BANK1: variants seen among roughly 807,000 people sequenced by gnomAD.
The protein encoded by BANK1 is B-cell scaffold protein with ankyrin repeats.
In BANK1, 95 loss-of-function variants were observed where a neutral mutation model predicts 94.5. That is an observed-to-expected ratio of 1.00 (90% CI 0.85 to 1.19). BANK1 has a LOEUF of 1.19. Ranked by LOEUF, BANK1 falls within the 50% of genes most tolerant of loss-of-function variation. The pLI is 0.00. For missense variants in BANK1, 987 were observed against 932.2 expected, an observed-to-expected ratio of 1.06 and a Z score of -0.77; for synonymous variants, 334 against 308.4, an observed-to-expected ratio of 1.08 and a Z score of -0.87.
Position 101,898,567 on chromosome 4 carries a change from G to A in BANK1, c.1009+3157G>A, listed in dbSNP as rs530559771. On this transcript the variant is annotated intron_variant, in intron 6 of 16. Transcript: ENST00000322953. The stretch of plus-strand genomic sequence containing the variant: ...TCTCTCTCAGAGAACATAATCATAA[G>A]GAATTGAAAAAGTATACATTAAGAT... 1.9e-4 allele frequency among the ~76,000 whole-genome samples: 29 copies of A among 152,076 alleles called. No homozygotes were observed. The South Asian group carries it at 5.8e-3, about 30-fold the overall frequency.
intron 2 of BANK1, among the ~76,000 whole-genome samples, chr4:101,832,988 T>C (rs937052421): frequency 1.3e-5 from 2 of 151,070 alleles, no homozygotes; most frequent in Non-Finnish European, 3.0e-5. Context: ...GTTTCTTTCT[T>C]TTTTTTTTGA....
At chr4:101,954,102 G>T (rs1724260116) in intron 7 of BANK1, among the ~76,000 whole-genome samples, 1 of 152,070 alleles carries the variant, frequency 6.6e-6, no homozygotes, top group African/African-American at 2.4e-5. Flanking sequence ...AATTCCAGCT[G>T]CATTGCCTCG....
At chr4:101,915,112 T>C (rs1266591593) in intron 6 of BANK1, among the ~76,000 whole-genome samples, 2 of 152,054 alleles carry the variant, frequency 1.3e-5, no homozygotes, top group Non-Finnish European at 2.9e-5. Flanking sequence ...CAAACAGAAT[T>C]CCCAAATAAT....
At chr4:102,005,166 T>C (rs569577548) in intron 7 of BANK1, among the ~76,000 whole-genome samples, 1 of 152,216 alleles carries the variant, frequency 6.6e-6, no homozygotes, top group East Asian at 1.9e-4. Flanking sequence ...AGAAAACTTC[T>C]CTGTTCTTAA....
chr4:102,063,647 C>T (rs1045061167), intron 13 of BANK1, among the ~76,000 whole-genome samples: 11 of 151,464 alleles, frequency 7.3e-5, no homozygotes, highest in African/African-American at 2.7e-4. Flanking sequence ...AATGGTGAAA[C>T]CCCATCTCTA....
At chr4:102,072,476 T>G (rs1728792233) in intron 15 of BANK1, 76 bp downstream of exon 15, 9 of 1,131,170 alleles carry the variant, frequency 8.0e-6, no homozygotes, top group Non-Finnish European at 1.2e-5. Flanking sequence ...GAGCCTTCTA[T>G]CCTGTCTATG....
At chr4:101,860,989 A>T (rs1315238532) in intron 3 of BANK1, among the ~76,000 whole-genome samples, 1 of 152,164 alleles carries the variant, frequency 6.6e-6, no homozygotes, top group Non-Finnish European at 1.5e-5. Flanking sequence ...AAACAAAAGG[A>T]ACAAAAGAAC....
Position 101,790,867 on chromosome 4 carries a change from C to T in BANK1, c.-14C>T. ...GGGCAGCAGTGCGCAGGCCCCTCGG[C>T]TTCAACCGCCACAATGCTGCCAGCA... is the stretch of plus-strand genomic sequence containing the variant. On this transcript the variant is annotated 5_prime_UTR_variant, in exon 1 of 17. Transcript: ENST00000322953. The T allele has an allele frequency of 6.5e-7, 1 of 1,536,906 alleles. No individual in the cohort carries two copies. The highest frequency in any genetic ancestry group is 1.2e-5 in the South Asian group (1 of 84,042).
chr4:102,044,255 C>A (rs1727800950), intron 11 of BANK1, among the ~76,000 whole-genome samples: 1 of 152,084 alleles, frequency 6.6e-6, no homozygotes, highest in African/African-American at 2.4e-5. Context: ...TTGTTCAATT[C>A]CCACCTATGA....
At chr4:101,899,533 T>G (rs1457709665) in intron 6 of BANK1, among the ~76,000 whole-genome samples, 3 of 152,116 alleles carry the variant, frequency 2.0e-5, no homozygotes, top group Non-Finnish European at 4.4e-5. Flanking sequence ...TCTTCCAAAT[T>G]TTTTTTACCT....
rs114519253 is a variant in BANK1 at position 102,035,184 on chromosome 4, C to T, written c.1900+4919C>T. ...ATCCTGCTTTAAACCATCTTATGTC[C>T]AAAACACTACCAATTTGAAGGGAAG... is the stretch of plus-strand genomic sequence containing the variant. On this transcript the variant is annotated intron_variant, in intron 10 of 16. Transcript: ENST00000322953. Among the ~76,000 whole-genome samples the T allele has an allele frequency of 4.1e-3, 631 of 152,218 alleles. 8 individuals carry two copies. Among genetic ancestry groups the T allele is most frequent in the African/African-American group, 0.015 (618 of 41,538 alleles).
chr4:101,933,312 G>GA (rs35218054), intron 7 of BANK1, among the ~76,000 whole-genome samples: 49,785 of 105,558 alleles, frequency 0.47, 10,151 homozygotes, highest in Admixed American at 0.54. Context: ...TAAGAAAGGA[G>GA]AAAAAAAAAA....
intron 2 of BANK1, among the ~76,000 whole-genome samples, chr4:101,837,320 G>A (rs1222847448): frequency 3.9e-5 from 6 of 151,964 alleles, no homozygotes; most frequent in Admixed American, 3.9e-4. Flanking sequence ...TAAGATTCAG[G>A]GATTGAATAC....
intron 7 of BANK1, among the ~76,000 whole-genome samples, chr4:102,006,104 A>G (rs1371275031): frequency 3.3e-5 from 5 of 152,060 alleles, no homozygotes; most frequent in African/African-American, 1.2e-4. Context: ...ATTGTATAAT[A>G]CTAATGATAT....
chr4:101,874,762 TC>T (rs1424747629), intron 5 of BANK1, among the ~76,000 whole-genome samples: 1 of 152,212 alleles, frequency 6.6e-6, no homozygotes, highest in Non-Finnish European at 1.5e-5. Flanking sequence ...TATGCTCTTT[TC>T]TTCAGGCCTC....
At chr4:101,826,031 C>T (rs1279031764) in intron 1 of BANK1, among the ~76,000 whole-genome samples, 1 of 151,990 alleles carries the variant, frequency 6.6e-6, no homozygotes, top group Non-Finnish European at 1.5e-5. Context: ...CTACTCATAG[C>T]TTATTCTACA....
chr4:101,889,032 T>C (rs1476959821), intron 5 of BANK1, among the ~76,000 whole-genome samples: 1 of 152,242 alleles, frequency 6.6e-6, no homozygotes, highest in Non-Finnish European at 1.5e-5. Flanking sequence ...CAGTTTTGTG[T>C]AATAAATATT....
At chr4:101,801,673 C>A (rs916276677) in intron 1 of BANK1, among the ~76,000 whole-genome samples, 3 of 152,048 alleles carry the variant, frequency 2.0e-5, no homozygotes, top group African/African-American at 7.2e-5. Context: ...TCATATATTT[C>A]TTTGGCATTT....
At chr4:101,798,493 T>G (rs13117264) in intron 1 of BANK1, among the ~76,000 whole-genome samples, 42,056 of 152,036 alleles carry the variant, frequency 0.28, 6,064 homozygotes, top group Non-Finnish European at 0.32. Context: ...TTTCTGTCTC[T>G]TCAAATGGTA....
Sources: allele counts gnomAD v4.1 joint callset (sites outside exome capture counted in the v4.1 genomes callset), GRCh38; gene constraint gnomAD v4.1.1; transcripts MANE v1.5; gene names NCBI Gene and HGNC (gene_info 2026-07-23, HGNC 2026-07-21).